The following TCF4 variants were observed in gnomAD, a reference collection of about 807,000 sequenced individuals.
TCF4 encodes the protein transcription factor 4.
Under a neutral mutation model 82.1 loss-of-function variants are expected in TCF4, and 3 were observed. The ratio of observed to expected loss-of-function variants is 0.04; its 90% confidence interval spans 0.02 to 0.09. The LOEUF is 0.09. Among genes scored for constraint, TCF4 ranks in the 10% least tolerant of loss-of-function variants. The pLI is 1.00. For missense variants in TCF4, 518 were observed against 852.7 expected (o/e 0.61, Z 4.89); for synonymous variants, 276 against 309.6 (o/e 0.89, Z 1.14).
intron 3 of TCF4, among the ~76,000 whole-genome samples, chr18:55,579,350 C>A (rs535083367): frequency 6.6e-6 from 1 of 151,402 alleles, no homozygotes; most frequent in Admixed American, 6.6e-5. Flanking sequence ...ACAAAAATAA[C>A]CTTTTAAAAA....
At chr18:55,260,177 T>G (rs1465822551) in intron 12 of TCF4, 150 bp from the exon 13 acceptor site, 2 of 673,246 alleles carry the variant, frequency 3.0e-6, no homozygotes, top group Admixed American at 5.0e-5. Context: ...AATTGTCAAA[T>G]GAAGAACTTA....
chr18:55,631,055 T>G (rs2097731047), intron 2 of TCF4, among the ~76,000 whole-genome samples: 1 of 151,438 alleles, frequency 6.6e-6, no homozygotes, highest in Non-Finnish European at 1.5e-5. Context: ...CAATGGGTTT[T>G]TTTTTTTTTT....
intron 2 of TCF4, among the ~76,000 whole-genome samples, chr18:55,607,826 T>C (rs1459359221): frequency 6.6e-6 from 1 of 152,226 alleles, no homozygotes; most frequent in Non-Finnish European, 1.5e-5. Flanking sequence ...CAAGATTTTT[T>C]CAATGTGAGT....
intron 2 of TCF4, among the ~76,000 whole-genome samples, chr18:55,594,632 C>A (rs1213010333): frequency 6.6e-6 from 1 of 152,146 alleles, no homozygotes; most frequent in Admixed American, 6.5e-5. Context: ...TTCCAGCAGG[C>A]TACTGACTCC....
chr18:55,329,060 G>C (rs2077063103), intron 8 of TCF4, among the ~76,000 whole-genome samples: 1 of 152,162 alleles, frequency 6.6e-6, no homozygotes, highest in Non-Finnish European at 1.5e-5. Flanking sequence ...GGAATGAAAA[G>C]AGTAGGTATA....
intron 8 of TCF4, among the ~76,000 whole-genome samples, chr18:55,345,594 A>G (rs2081011301): frequency 6.6e-6 from 1 of 152,208 alleles, no homozygotes; most frequent in Admixed American, 6.5e-5. Flanking sequence ...TTAAAAGTGA[A>G]TACTGAGAGC....
chr18:55,251,633 G>C (rs562339733), intron 15 of TCF4, among the ~76,000 whole-genome samples: 2 of 152,256 alleles, frequency 1.3e-5, no homozygotes, highest in East Asian at 3.9e-4. Context: ...TTAATCAGAA[G>C]GAATTACTGA....
chr18:55,391,466 C>T (rs1253073557), intron 6 of TCF4, among the ~76,000 whole-genome samples: 1 of 151,922 alleles, frequency 6.6e-6, no homozygotes, highest in African/African-American at 2.4e-5. Context: ...TAAGTGATGA[C>T]CCTCTCTAGG....
intron 5 of TCF4, among the ~76,000 whole-genome samples, chr18:55,410,659 T>C (rs1433151498): frequency 6.6e-6 from 1 of 152,010 alleles, no homozygotes; most frequent in Non-Finnish European, 1.5e-5. Context: ...CCAGTTCCAG[T>C]ACCAAGGCTT....
chr18:55,513,529 A>AT, intron 3 of TCF4, among the ~76,000 whole-genome samples: 1 of 152,048 alleles, frequency 6.6e-6, no homozygotes, highest in East Asian at 1.9e-4. Flanking sequence ...TGAAAAAAAA[A>AT]TTTTAAAAGC....
intron 3 of TCF4, among the ~76,000 whole-genome samples, chr18:55,478,118 G>A (rs144527160): frequency 6.8e-4 from 104 of 152,314 alleles, no homozygotes; most frequent in African/African-American, 1.9e-3. Context: ...AAGGGGTTCC[G>A]GGAAAGCCGG....
chr18:55,310,723 T>C (rs570777070), intron 8 of TCF4, among the ~76,000 whole-genome samples: 3 of 152,312 alleles, frequency 2.0e-5, no homozygotes, highest in Non-Finnish European at 4.4e-5. Flanking sequence ...ACAGACGATA[T>C]GATGTTATGA....
At chr18:55,353,599 A>G (rs1308923795) in intron 6 of TCF4, among the ~76,000 whole-genome samples, 1 of 152,188 alleles carries the variant, frequency 6.6e-6, no homozygotes, top group Admixed American at 6.5e-5. Flanking sequence ...AGATAAAAAT[A>G]TATGTGTTCT....
At chr18:55,573,372 T>C (rs528088040) in intron 3 of TCF4, among the ~76,000 whole-genome samples, 1 of 150,468 alleles carries the variant, frequency 6.6e-6, no homozygotes, top group South Asian at 2.1e-4. Flanking sequence ...TCAAATAAAG[T>C]CTACAAAGTT....
intron 5 of TCF4, among the ~76,000 whole-genome samples, chr18:55,443,146 C>T (rs949477192): frequency 6.6e-6 from 1 of 152,158 alleles, no homozygotes; most frequent in African/African-American, 2.4e-5. Context: ...TGTATGGGGT[C>T]CCATTGCTTG....
intron 3 of TCF4, among the ~76,000 whole-genome samples, chr18:55,510,285 C>T (rs376971790): frequency 2.0e-5 from 3 of 152,096 alleles, no homozygotes; most frequent in Non-Finnish European, 2.9e-5. Flanking sequence ...TCTATTTCTC[C>T]GTCTAAAGAG....
At chr18:55,493,823 A>G (rs1219839818) in intron 3 of TCF4, among the ~76,000 whole-genome samples, 4 of 152,094 alleles carry the variant, frequency 2.6e-5, no homozygotes, top group Non-Finnish European at 5.9e-5. Flanking sequence ...TGTAGTCTAC[A>G]GTTTCTGTAG....
At chr18:55,496,046 A>T (rs2096631753) in intron 3 of TCF4, 1 of 152,064 alleles carries the variant, frequency 6.6e-6, no homozygotes, top group Non-Finnish European at 1.5e-5. Context: ...TCTGCTTCCT[A>T]GTGTATAGCC....
chr18:55,320,352 G>A (rs1272396852), intron 8 of TCF4, among the ~76,000 whole-genome samples: 9 of 152,022 alleles, frequency 5.9e-5, no homozygotes, highest in African/African-American at 2.2e-4. Flanking sequence ...GATAAAAATA[G>A]GATAGCGCTA....
Sources: gnomAD v4.1 joint callset for allele counts (sites outside exome capture counted in the v4.1 genomes callset) on GRCh38, gnomAD v4.1.1 for gene constraint, MANE v1.5 for transcripts, NCBI Gene and HGNC (gene_info 2026-07-23, HGNC 2026-07-21) for gene names.